Variants in ABCD3 observed in about 807,000 individuals in gnomAD.
ABCD3 encodes the protein ATP binding cassette subfamily D member 3.
ABCD3 carries 41 observed loss-of-function variants against 105.5 expected under a neutral mutation model. The ratio of observed to expected loss-of-function variants is 0.39; its 90% CI spans 0.30 to 0.50. ABCD3 has a LOEUF of 0.50. Ranked by LOEUF, ABCD3 falls within the 20% of genes least tolerant of loss-of-function variation. ABCD3 has a pLI of 0.84. For synonymous variants in ABCD3, 258 were observed against 269.0 expected (o/e 0.96, Z 0.40); for missense variants, 622 against 806.3 (o/e 0.77, Z 2.77).
intron 9 of ABCD3, chr1:94,482,860 A>G (rs780611883): frequency 4.6e-5 from 16 of 347,266 alleles, no homozygotes; most frequent in Non-Finnish European, 8.2e-5. Flanking sequence ...CTTTCTGTAC[A>G]TCACAGCAAC....
intron 16 of ABCD3, among the ~76,000 whole-genome samples, chr1:94,494,727 C>G (rs1347749547): frequency 1.3e-5 from 2 of 152,068 alleles, no homozygotes; most frequent in African/African-American, 4.8e-5. Flanking sequence ...TTATAAACTC[C>G]CCAGTACAGA....
intron 2 of ABCD3, 21 bp downstream of exon 2, chr1:94,458,664 CT>C: frequency 6.2e-7 from 1 of 1,604,286 alleles, no homozygotes; most frequent in Non-Finnish European, 8.5e-7. Flanking sequence ...AAATCATCTT[CT>C]TTTTGGGATT....
chr1:94,442,053 T>C (rs1179558951), intron 1 of ABCD3, among the ~76,000 whole-genome samples: 1 of 152,156 alleles, frequency 6.6e-6, no homozygotes, highest in Non-Finnish European at 1.5e-5. Flanking sequence ...TATTTAGAAG[T>C]AACAATCTCA....
intron 20 of ABCD3, among the ~76,000 whole-genome samples, chr1:94,502,513 T>C (rs893959389): frequency 6.6e-6 from 1 of 151,430 alleles, no homozygotes; most frequent in Non-Finnish European, 1.5e-5. Context: ...TTTTTTTTTT[T>C]TGAGACAGAG....
chr1:94,475,110 G>C (rs1382153728), intron 5 of ABCD3, 33 bp from the exon 6 acceptor site: 1 of 1,383,864 alleles, frequency 7.2e-7, no homozygotes, highest in African/African-American at 1.4e-5. Flanking sequence ...GAAATGAAAA[G>C]CAAAACCAAT....
intron 1 of ABCD3, among the ~76,000 whole-genome samples, chr1:94,453,411 C>T (rs1234821181): frequency 8.6e-5 from 13 of 151,510 alleles, no homozygotes; most frequent in Admixed American, 4.6e-4. Context: ...CTCCGCCTCC[C>T]GGGTTCACGC....
At position 94,498,698 on chromosome 1, in the gene ABCD3, C is replaced by T. The variant is rs1055995072; in HGVS notation, c.1464+19C>T. ...TGGTGAAGTAAGTACAAGTTGGCCT[C>T]AAAATTTTGCAGTCTTATTTTGCCA... On this transcript the variant is annotated intron_variant, in intron 17 of 22. Coordinates refer to ENST00000370214, the MANE Select transcript of ABCD3 (RefSeq NM_002858.4). 7.4e-6 allele frequency: 12 copies of T among 1,613,210 alleles called. No individual in the cohort carries two copies. Among genetic ancestry groups the T allele is most frequent in the South Asian group, 1.1e-5 (1 of 91,038 alleles).
the ABCD3 span, among the ~76,000 whole-genome samples, chr1:94,389,508 C>T: frequency 2.0e-5 from 3 of 152,246 alleles, no homozygotes; most frequent in African/African-American, 4.8e-5. Flanking sequence ...TAGCCAGACC[C>T]CTCCCTTTGT....
intron 1 of ABCD3, among the ~76,000 whole-genome samples, chr1:94,438,332 A>G (rs1322270083): frequency 6.6e-6 from 1 of 151,440 alleles, no homozygotes; most frequent in African/African-American, 2.4e-5. Flanking sequence ...ACACACACAC[A>G]CACACACACA....
At chr1:94,428,905 A>G (rs1659571086) in intron 1 of ABCD3, among the ~76,000 whole-genome samples, 1 of 152,226 alleles carries the variant, frequency 6.6e-6, no homozygotes, top group African/African-American at 2.4e-5. Flanking sequence ...AAACTGGGTA[A>G]CAGGCAGAGG....
the ABCD3 span, among the ~76,000 whole-genome samples, chr1:94,386,926 T>C: frequency 6.6e-6 from 1 of 152,236 alleles, no homozygotes; most frequent in African/African-American, 2.4e-5. Context: ...GCATTTCTTT[T>C]ATTCTGTTTA....
chr1:94,443,363 C>T (rs1026124102), intron 1 of ABCD3, among the ~76,000 whole-genome samples: 7 of 151,804 alleles, frequency 4.6e-5, no homozygotes, highest in African/African-American at 1.7e-4. Context: ...GGATATTAGC[C>T]CTTTATTGGA....
the ABCD3 span, among the ~76,000 whole-genome samples, chr1:94,402,893 G>A: frequency 2.6e-5 from 4 of 151,072 alleles, no homozygotes; most frequent in African/African-American, 7.3e-5. Context: ...ATGCTGGTGC[G>A]CTGCACCCAT....
At chr1:94,484,794 TAAAA>T (rs1327329117) in intron 10 of ABCD3, among the ~76,000 whole-genome samples, 1 of 150,006 alleles carries the variant, frequency 6.7e-6, no homozygotes. Flanking sequence ...ATCAAAAACA[TAAAA>T]AAAAAATTAA....
rs190367426 is a variant in ABCD3, at chr1:94,443,692, C to T, written c.111-14915C>T. Among the ~76,000 whole-genome samples, 393 of 152,280 alleles carry T rather than the reference C, an allele frequency of 2.6e-3. 3 individuals are homozygous for T. The highest frequency in any genetic ancestry group is 9.1e-3 in the African/African-American group (380 of 41,556). ...TGAGAGGTAGGGGTCCAGTTTCATTCTACATGGCTATGTAATTTTCCCAGC... is the reference window on the plus strand; with the variant it reads ...TGAGAGGTAGGGGTCCAGTTTCATTTTACATGGCTATGTAATTTTCCCAGC... On this transcript the variant is annotated intron_variant, in intron 1 of 22. Coordinates refer to ENST00000370214, the MANE Select transcript of ABCD3 (RefSeq NM_002858.4).
chr1:94,406,517 T>A, the ABCD3 span: 1 of 390,038 alleles, frequency 2.6e-6, no homozygotes, highest in South Asian at 2.1e-5. Context: ...TACCTTTCTC[T>A]TTGGCTCCCT....
intron 13 of ABCD3, 147 bp from the exon 14 acceptor site, chr1:94,489,576 CAT>C (rs4148067): frequency 0.25 from 175,423 of 693,352 alleles, 24,010 homozygotes; most frequent in East Asian, 0.44. Context: ...ATAAAGCACA[CAT>C]GTTATCATTA....
chr1:94,498,472 A>C, intron 16 of ABCD3, 130 bp from the exon 17 acceptor site: 1 of 923,656 alleles, frequency 1.1e-6, no homozygotes, highest in Non-Finnish European at 1.7e-6. Flanking sequence ...ACCTAATGCT[A>C]CATTTACAGA....
intron 1 of ABCD3, among the ~76,000 whole-genome samples, chr1:94,439,093 G>A (rs1223704000): frequency 6.6e-6 from 1 of 152,122 alleles, no homozygotes; most frequent in Non-Finnish European, 1.5e-5. Flanking sequence ...AAATTCCTCA[G>A]GAAGAGCTCA....
Sources: gnomAD v4.1 joint callset for allele counts (sites outside exome capture counted in the v4.1 genomes callset) on GRCh38, gnomAD v4.1.1 for gene constraint, MANE v1.5 for transcripts, NCBI Gene and HGNC (gene_info 2026-07-23, HGNC 2026-07-21) for gene names.